ZFAT: variants seen among roughly 807,000 people sequenced by gnomAD.
The protein encoded by ZFAT is zinc finger and AT-hook domain containing.
Under a neutral mutation model 117.7 loss-of-function variants are expected in ZFAT, and 64 were observed. The ratio of observed to expected loss-of-function variants is 0.54; its 90% CI spans 0.44 to 0.67. The LOEUF is 0.67. Ranked by LOEUF, ZFAT falls within the 30% of genes least tolerant of loss-of-function variation. The probability of loss-of-function intolerance (pLI) is 0.00; values close to 1 mark genes in which losing one functional copy is unlikely to be tolerated. For missense variants in ZFAT, 1,433 were observed against 1,584.5 expected, an observed-to-expected ratio of 0.90 and a Z score of 1.62; for synonymous variants, 679 against 615.0, an observed-to-expected ratio of 1.10 and a Z score of -1.54.
chr8:134,533,301 ATTTT>A (rs142476772), intron 11 of ZFAT, among the ~76,000 whole-genome samples: 1,809 of 152,212 alleles, frequency 0.012, 32 homozygotes, highest in African/African-American at 0.042. Flanking sequence ...CTAATCTATC[ATTTT>A]TTTAAGTGAA....
chr8:134,599,439 A>T (rs904325237), intron 7 of ZFAT: 1 of 234,562 alleles, frequency 4.3e-6, no homozygotes, highest in Non-Finnish European at 8.5e-6. Context: ...GATTTTTTAA[A>T]AATATGTATC....
chr8:134,682,822 G>A (rs1043392051), intron 1 of ZFAT, among the ~76,000 whole-genome samples: 4 of 152,050 alleles, frequency 2.6e-5, no homozygotes, highest in East Asian at 1.9e-4. Context: ...TCTGCACACC[G>A]TACACACTCA....
the ZFAT span, among the ~76,000 whole-genome samples, chr8:134,778,204 A>G: frequency 2.6e-5 from 4 of 152,186 alleles, no homozygotes; most frequent in East Asian, 1.9e-4. Flanking sequence ...CCTTCATGCA[A>G]TCATTTTTCT....
Position 134,642,613 on chromosome 8 carries a change from C to T in ZFAT, c.197-4901G>A, listed in dbSNP as rs907215863. Among the ~76,000 whole-genome samples, 10 of 152,184 alleles carry T rather than the reference C, an allele frequency of 6.6e-5. No individual in the cohort carries two copies. In the East Asian group the frequency reaches 9.6e-4, roughly 15 times the overall value. ...CATTCTCATTCATTCTGACTCAATA[C>T]GCATTTTTTCCTTGAGTTCTTCATT... is the stretch of plus-strand genomic sequence containing the variant. On this transcript the variant is annotated intron_variant, in intron 2 of 15. Coordinates refer to ENST00000377838, the MANE Select transcript of ZFAT (RefSeq NM_020863.4).
chr8:134,491,663 G>A (rs377686730), intron 15 of ZFAT, among the ~76,000 whole-genome samples: 61 of 152,190 alleles, frequency 4.0e-4, no homozygotes, highest in African/African-American at 1.4e-3. Context: ...ACGACATTTG[G>A]TGGAGTCTTT....
At chr8:134,827,196 C>T in the ZFAT span, among the ~76,000 whole-genome samples, 5 of 152,244 alleles carry the variant, frequency 3.3e-5, no homozygotes, top group South Asian at 2.1e-4. Context: ...GGACTACAGG[C>T]GTGTGCCACC....
intron 12 of ZFAT, among the ~76,000 whole-genome samples, chr8:134,527,405 A>G (rs1050467753): frequency 2.0e-5 from 3 of 152,238 alleles, no homozygotes; most frequent in African/African-American, 7.2e-5. Flanking sequence ...AGATACGAAT[A>G]CGGATAAGGA....
At chr8:134,710,238 ACT>A (rs1813938773) in intron 1 of ZFAT, among the ~76,000 whole-genome samples, 2 of 152,332 alleles carry the variant, frequency 1.3e-5, no homozygotes, top group Non-Finnish European at 1.5e-5. Flanking sequence ...CTCATGTCAA[ACT>A]CTAACAAAAT....
intron 10 of ZFAT, among the ~76,000 whole-genome samples, chr8:134,574,423 T>G (rs1279492822): frequency 6.6e-6 from 1 of 152,000 alleles, no homozygotes; most frequent in Non-Finnish European, 1.5e-5. Context: ...GTGCGGCACC[T>G]GTTGTTCCCT....
the ZFAT span, among the ~76,000 whole-genome samples, chr8:134,760,296 A>AAAAC: frequency 6.8e-6 from 1 of 147,558 alleles, no homozygotes; most frequent in Non-Finnish European, 1.5e-5. Flanking sequence ...AAACAAACAA[A>AAAAC]AAACAAACAA....
At chr8:134,692,412 G>A (rs1221996583) in intron 1 of ZFAT, among the ~76,000 whole-genome samples, 2 of 152,190 alleles carry the variant, frequency 1.3e-5, no homozygotes, top group African/African-American at 4.8e-5. Flanking sequence ...GTGCGCCCCA[G>A]CCCTACCTCA....
At chr8:134,787,625 T>C in the ZFAT span, among the ~76,000 whole-genome samples, 4 of 152,328 alleles carry the variant, frequency 2.6e-5, no homozygotes, top group South Asian at 8.3e-4. Context: ...TTGGTGAACA[T>C]TTTTCAGTTT....
At chr8:134,794,234 TAA>T in the ZFAT span, 5 of 152,310 alleles carry the variant, frequency 3.3e-5, no homozygotes, top group Middle Eastern at 3.4e-3. Flanking sequence ...ATATTTAATA[TAA>T]GATATTTACT....
chr8:134,512,589 C>G lies in ZFAT; in HGVS notation c.3247G>C (p.Ala1083Pro). The G allele has an allele frequency of 6.2e-7, 1 of 1,613,250 alleles. No individual in the cohort carries two copies. The highest frequency in any genetic ancestry group is 8.5e-7 in the Non-Finnish European group (1 of 1,179,692). Residue 1083 changes from alanine (A) to proline (P), a missense_variant, in exon 14 of 16, where the codon GCT becomes CCT. Transcript: ENST00000377838. ...TACTGGGTGGAGGGCTCCTCAGGAG[C>G]TTCTGTTGCTGTCTAAATAAAAACA... ...GDPKWETATEAPEEPSTQYLH... is the reference protein window; with the variant it reads ...GDPKWETATEPPEEPSTQYLH...
chr8:134,601,806 G>A lies in ZFAT; in HGVS notation c.1913C>T (p.Ala638Val). 1 of 1,613,888 alleles carries A rather than the reference G, an allele frequency of 6.2e-7. No individual in the cohort carries two copies. Residue 638 changes from alanine (A) to valine (V), a missense_variant, in exon 6 of 16, where the codon GCC (alanine) becomes GTC (valine). Physicochemically the swap from Ala to Val is moderately conservative, Grantham distance 64. This residue lies in a region of ZFAT where 372 missense variants were observed against 355.6 expected (regional missense o/e 1.05). Transcript: ENST00000377838. The stretch of plus-strand genomic sequence containing the variant: ...TTCCTGATCTGACCCAGCACTCTGG[G>A]CCTTGGACAGCAGTAGTGTGATCAC... ...GEVITLLLSKAQSAGSDQESH... is the reference protein window; with the variant it reads ...GEVITLLLSKVQSAGSDQESH...
rs530870745 is a variant in ZFAT at position 134,499,830 on chromosome 8, C to T, written c.3492+9789G>A. On this transcript the variant is annotated intron_variant, in intron 15 of 15. Transcript: ENST00000377838. ...TGAGGCCCCTTGTGAAGCAGGAGGCCACCACATGTGCTGACAGGGCAGACG... is the reference window on the plus strand; with the variant it reads ...TGAGGCCCCTTGTGAAGCAGGAGGCTACCACATGTGCTGACAGGGCAGACG... Among the ~76,000 whole-genome samples the T allele has an allele frequency of 1.4e-4, 21 of 152,316 alleles. No homozygotes were observed. The East Asian group carries it at 3.7e-3, about 27-fold the overall frequency.
chr8:134,485,541 T>C (rs539455761), intron 15 of ZFAT, among the ~76,000 whole-genome samples: 1 of 152,280 alleles, frequency 6.6e-6, no homozygotes, highest in Non-Finnish European at 1.5e-5. Context: ...CTGGAATCCT[T>C]GACACTGATG....
intron 15 of ZFAT, among the ~76,000 whole-genome samples, chr8:134,502,336 A>G (rs1446555158): frequency 6.6e-6 from 1 of 152,240 alleles, no homozygotes; most frequent in Non-Finnish European, 1.5e-5. Context: ...TCAGGGGACC[A>G]CATTACTCAG....
At position 134,637,712 on chromosome 8, in the gene ZFAT, T is replaced by A. The variant is rs1830309996; in HGVS notation, c.197A>T (p.Glu66Val). The A allele has an allele frequency of 1.2e-6, 2 of 1,612,496 alleles. No homozygotes were observed. Among genetic ancestry groups the A allele is most frequent in the Middle Eastern group, 1.7e-4 (1 of 5,874 alleles). The change falls in exon 3 of 16, where the codon GAG becomes GTG. Residue 66 changes from glutamate to valine, a missense_variant and splice_region_variant. This residue lies in a region of ZFAT where 436 missense variants were observed against 482.0 expected (regional missense o/e 0.90). Transcript: ENST00000377838. The part of the protein sequence containing the change: ...EPPNSSKTGD[E>V]FLVMKRKRGR... ...TCTCTTCCTCTTCATGACCAAAAAC[T>A]CTACAGAGGAAACAAGAGGGCACAA...
Sources: gnomAD v4.1 joint callset for allele counts (sites outside exome capture counted in the v4.1 genomes callset) on GRCh38, gnomAD v4.1.1 for gene constraint, gnomAD v4.1.1 regional missense constraint, MANE v1.5 for transcripts, NCBI Gene and HGNC (gene_info 2026-07-23, HGNC 2026-07-21) for gene names.